KLHL13: variants seen among roughly 807,000 people sequenced by gnomAD.
KLHL13 encodes kelch-like protein 13.
KLHL13 carries 10 observed loss-of-function variants against 37.1 expected under a neutral mutation model. The ratio of observed to expected loss-of-function variants is 0.27; its 90% CI spans 0.17 to 0.46. The LOEUF (loss-of-function observed/expected upper bound fraction) is 0.46, where lower values mean the gene tolerates loss of function less well. KLHL13 is among the 20% of genes least tolerant of loss of function. The pLI, the probability that KLHL13 is intolerant of heterozygous loss-of-function variation, is 1.00. For synonymous variants in KLHL13, 163 were observed against 181.2 expected, an observed-to-expected ratio of 0.90 and a Z score of 0.81; for missense variants, 360 against 509.3, an observed-to-expected ratio of 0.71 and a Z score of 2.82.
chrX:117,904,785 C>T (rs1191015541), intron 5 of KLHL13, among the ~76,000 whole-genome samples: 1 of 111,220 alleles, frequency 9.0e-6, no homozygotes, highest in Non-Finnish European at 1.9e-5. Context: ...GATTTAATGG[C>T]CCACAAAGCT....
chrX:117,924,403 G>C (rs187198303), intron 2 of KLHL13, among the ~76,000 whole-genome samples: 82 of 111,612 alleles, frequency 7.3e-4, no homozygotes, highest in Non-Finnish European at 1.1e-3. Context: ...TCTACTTTTT[G>C]CTTTCACTCA....
intron 1 of KLHL13, among the ~76,000 whole-genome samples, chrX:118,088,023 C>G (rs910610084): frequency 4.5e-5 from 5 of 112,016 alleles, no homozygotes; most frequent in Non-Finnish European, 9.4e-5. Flanking sequence ...ATCAATGGAT[C>G]TTCTTCCCCT....
At chrX:117,966,489 A>G (rs1276371927) in intron 1 of KLHL13, among the ~76,000 whole-genome samples, 7 of 111,268 alleles carry the variant, frequency 6.3e-5, no homozygotes, top group Middle Eastern at 9.1e-3. Flanking sequence ...ACTGCCCAAC[A>G]TAATTTATAG....
chrX:118,040,706 A>G (rs2054498003), intron 1 of KLHL13, among the ~76,000 whole-genome samples: 1 of 111,634 alleles, frequency 9.0e-6, no homozygotes, highest in Non-Finnish European at 1.9e-5. Context: ...CAAGTATAAG[A>G]AGGTTACAGA....
At position 117,931,153 on chromosome X, in the gene KLHL13, G is replaced by T. The variant is rs762358502; in HGVS notation, c.241-10783C>A. Among the ~76,000 whole-genome samples, 130 of 111,632 alleles carry T rather than the reference G, an allele frequency of 1.2e-3. 1 individual carries two copies. The highest frequency in any genetic ancestry group is 4.1e-3 in the African/African-American group (126 of 30,794). On this transcript the variant is annotated intron_variant, in intron 2 of 6. Transcript: ENST00000262820. ...TAGCTAGAGGATAAGACTATAAAATGATATCCTACATTGACTTTAGAACTA... is the reference window on the plus strand; with the variant it reads ...TAGCTAGAGGATAAGACTATAAAATTATATCCTACATTGACTTTAGAACTA...
intron 1 of KLHL13, among the ~76,000 whole-genome samples, chrX:118,107,888 C>CA (rs1275114587): frequency 9.0e-6 from 1 of 111,255 alleles, no homozygotes; most frequent in Non-Finnish European, 1.9e-5. Flanking sequence ...CCTGTCTCTA[C>CA]AAAAAATACA....
chrX:117,984,753 C>T (rs2053704751), intron 1 of KLHL13, among the ~76,000 whole-genome samples: 1 of 110,221 alleles, frequency 9.1e-6, no homozygotes, highest in South Asian at 3.8e-4. Flanking sequence ...ACAATTAAGC[C>T]CTACCAAAAA....
At chrX:118,039,245 G>A (rs1385122331) in intron 1 of KLHL13, among the ~76,000 whole-genome samples, 1 of 112,077 alleles carries the variant, frequency 8.9e-6, no homozygotes, top group Non-Finnish European at 1.9e-5. Context: ...TTAGCTATGT[G>A]GAGAGACCAC....
At chrX:118,077,307 T>A (rs1286114547) in intron 1 of KLHL13, among the ~76,000 whole-genome samples, 1 of 110,739 alleles carries the variant, frequency 9.0e-6, no homozygotes, top group Non-Finnish European at 1.9e-5. Context: ...AGTGGGAATC[T>A]ACAAAAAGTA....
chrX:118,086,057 C>T (rs181927143), intron 1 of KLHL13, among the ~76,000 whole-genome samples: 1 of 110,501 alleles, frequency 9.0e-6, no homozygotes, highest in East Asian at 2.8e-4. Flanking sequence ...CCTGCCTCAG[C>T]CTCCCAAGTA....
intron 1 of KLHL13, among the ~76,000 whole-genome samples, chrX:118,089,425 T>C (rs1176677046): frequency 7.4e-5 from 8 of 108,764 alleles, no homozygotes; most frequent in Non-Finnish European, 1.1e-4. Flanking sequence ...CCCTCTTAGG[T>C]ATCAAGAGAG....
intron 1 of KLHL13, among the ~76,000 whole-genome samples, chrX:118,113,308 C>T (rs1446504236): frequency 8.9e-6 from 1 of 111,754 alleles, no homozygotes; most frequent in Non-Finnish European, 1.9e-5. Flanking sequence ...CTCTGCAAAA[C>T]ATTTTTTTTT....
chrX:118,100,378 G>A (rs905434758), intron 1 of KLHL13, among the ~76,000 whole-genome samples: 1 of 111,291 alleles, frequency 9.0e-6, no homozygotes. Context: ...GGTATGTCAT[G>A]ACTAATACAT....
chrX:117,930,939 T>A (rs1569418827), intron 2 of KLHL13, among the ~76,000 whole-genome samples: 1 of 112,260 alleles, frequency 8.9e-6, no homozygotes, highest in East Asian at 2.8e-4. Context: ...CGTACTAACA[T>A]TATATTTTTA....
At chrX:117,903,169 G>C (rs867518579) in intron 5 of KLHL13, among the ~76,000 whole-genome samples, 4,224 of 98,460 alleles carry the variant, frequency 0.043, 137 homozygotes, top group Middle Eastern at 0.095. Context: ...GAGAGAGAGA[G>C]AGAGGAGAGC....
chrX:117,917,237 A>C (rs1450617772), intron 4 of KLHL13, among the ~76,000 whole-genome samples: 1 of 111,664 alleles, frequency 9.0e-6, no homozygotes, highest in Non-Finnish European at 1.9e-5. Context: ...CTCTGCAAAA[A>C]AGGATGAAGG....
intron 2 of KLHL13, among the ~76,000 whole-genome samples, chrX:117,934,631 G>C (rs1185344306): frequency 9.1e-6 from 1 of 109,967 alleles, no homozygotes; most frequent in Non-Finnish European, 1.9e-5. Flanking sequence ...TATCAGATAA[G>C]GGATCTGTAT....
chrX:118,007,572 GTTGT>G (rs1424141247), intron 1 of KLHL13, among the ~76,000 whole-genome samples: 2 of 111,498 alleles, frequency 1.8e-5, no homozygotes, highest in Non-Finnish European at 3.8e-5. Flanking sequence ...TGCTGCTTCT[GTTGT>G]TTGTTTCCCC....
chrX:117,984,128 T>C lies in KLHL13; in HGVS notation c.-55-38553A>G, dbSNP rs148068946. ...ATATACTGTCTCCTAACCAGAAGAT[T>C]TGGTTTTTGTTAAGTTCTGTCATAC... On this transcript the variant is annotated intron_variant, in intron 1 of 6. Coordinates refer to the KLHL13 transcript ENST00000371882. 8.5e-3 allele frequency among the ~76,000 whole-genome samples: 945 copies of C among 111,514 alleles called. 16 individuals carry two copies. Among genetic ancestry groups the C allele is most frequent in the African/African-American group, 0.028 (871 of 30,785 alleles).
Sources: allele counts gnomAD v4.1 joint callset (sites outside exome capture counted in the v4.1 genomes callset), GRCh38; gene constraint gnomAD v4.1.1; transcripts MANE v1.5; gene names NCBI Gene and HGNC (gene_info 2026-07-23, HGNC 2026-07-21).